The following PTPRN2 variants were observed in gnomAD, a reference collection of about 807,000 sequenced individuals.
The protein encoded by PTPRN2 is receptor-type tyrosine-protein phosphatase N2.
A neutral mutation model predicts 118.8 loss-of-function variants in PTPRN2; 74 were observed. That is an observed-to-expected ratio of 0.62 (90% CI 0.52 to 0.76). PTPRN2 has a LOEUF of 0.76. PTPRN2 is among the 30% of genes least tolerant of loss of function. PTPRN2 has a pLI of 0.00. For missense variants in PTPRN2, 1,481 were observed against 1,394.4 expected (o/e 1.06, Z -0.99); for synonymous variants, 641 against 608.0 (o/e 1.05, Z -0.80).
Position 157,764,966 on chromosome 7 carries a change from CCCAT to C in PTPRN2, c.1789-82033_1789-82030del, listed in dbSNP as rs771109189. Among the ~76,000 whole-genome samples the C allele has an allele frequency of 2.0e-3, 300 of 149,894 alleles. 1 individual carries two copies. Among genetic ancestry groups the C allele is most frequent in the Non-Finnish European group, 2.8e-3 (190 of 67,424 alleles). On this transcript the variant is annotated intron_variant, in intron 12 of 22. Transcript: ENST00000389418. This position sits in a 1 kb window ranked among gnomAD's most constrained non-coding sequence, Gnocchi z 4.5. ...CCATATCCATCCATCCACCCACCCA[CCCAT>C]CCATCTACCCATCCACTTTCATCCA...
At chr7:157,569,068 G>C in intron 20 of PTPRN2, 102 bp from the exon 21 acceptor site, 1 of 1,144,056 alleles carries the variant, frequency 8.7e-7, no homozygotes, top group Non-Finnish European at 1.3e-6. Context: ...TACGGGGGCC[G>C]GCGAGAGGAA....
rs572532235 is a variant in PTPRN2, at chr7:158,496,028, T to TG, written c.113-6244dup. ...CTGACTGTGGCTTGCGGACAGGGCT[T>TG]GGGGGGCAGCAGGGGGCAGCAGGAG... is the stretch of plus-strand genomic sequence containing the variant. On this transcript the variant is annotated intron_variant, in intron 1 of 22. Transcript: ENST00000389418. 3.2e-3 allele frequency among the ~76,000 whole-genome samples: 488 copies of TG among 151,788 alleles called. 2 individuals are homozygous for TG. The highest frequency in any genetic ancestry group is 0.011 in the African/African-American group (457 of 41,398).
intron 2 of PTPRN2, among the ~76,000 whole-genome samples, chr7:158,330,550 G>A (rs1363349899): frequency 5.1e-5 from 3 of 59,342 alleles, no homozygotes; most frequent in Admixed American, 1.9e-4. Flanking sequence ...ACCCGCAGAC[G>A]TCACTCACAC....
At position 157,982,039 on chromosome 7, in the gene PTPRN2, C is replaced by T. The variant is rs1362238997; in HGVS notation, c.1724-83302G>A. On this transcript the variant is annotated intron_variant, in intron 11 of 22. Transcript: ENST00000389418. Reference sequence around the variant, plus strand: ...GAATGCAGAGTGTGGGGTTCCCCCCCAAACCCCAAATCATAGAGATGAGGA... The same window carrying T: ...GAATGCAGAGTGTGGGGTTCCCCCCTAAACCCCAAATCATAGAGATGAGGA... Among the ~76,000 whole-genome samples the T allele has an allele frequency of 7.6e-4, 111 of 145,380 alleles. 1 individual carries two copies. Among genetic ancestry groups the T allele is most frequent in the Non-Finnish European group, 1.2e-3 (82 of 65,962 alleles).
At chr7:158,230,819 C>T (rs10250859) in intron 3 of PTPRN2, among the ~76,000 whole-genome samples, 1 of 152,126 alleles carries the variant, frequency 6.6e-6, no homozygotes, top group South Asian at 2.1e-4. Context: ...TCAGTCCTTA[C>T]TCATCAATAA....
chr7:157,835,852 CAGGATGAGCA>C (rs1807896771), intron 12 of PTPRN2, among the ~76,000 whole-genome samples: 1 of 152,192 alleles, frequency 6.6e-6, no homozygotes, highest in East Asian at 1.9e-4. Flanking sequence ...TCACTGATGA[CAGGATGAGCA>C]AGCACTTTCT....
At chr7:158,553,678 G>A (rs62478276) in intron 1 of PTPRN2, among the ~76,000 whole-genome samples, 7 of 146,830 alleles carry the variant, frequency 4.8e-5, no homozygotes, top group East Asian at 2.1e-4. Context: ...CTGTCTACAC[G>A]CAGACAGGCC....
rs1390071167 is a variant in PTPRN2, at chr7:157,619,856, G to A, written c.2344+1506C>T. 6.6e-6 allele frequency among the ~76,000 whole-genome samples: 1 copy of A among 152,202 alleles called. No individual in the cohort carries two copies. The highest frequency in any genetic ancestry group is 2.4e-5 in the African/African-American group (1 of 41,438). ...CTGTGCTGCTGGTACGGGGACAGGC[G>A]GTGTCTCAGGGACACCAGTCTGATC... On this transcript the variant is annotated intron_variant, in intron 15 of 22. Transcript: ENST00000389418. This position sits in a 1 kb window ranked among gnomAD's most constrained non-coding sequence, Gnocchi z 5.3.
At chr7:157,837,654 CG>C (rs1218316381) in intron 12 of PTPRN2, among the ~76,000 whole-genome samples, 9 of 152,180 alleles carry the variant, frequency 5.9e-5, no homozygotes, top group African/African-American at 2.2e-4. Context: ...TGCAAGGACA[CG>C]GTGCATCCAG....
chr7:158,576,549 G>A (rs536607537), intron 1 of PTPRN2, among the ~76,000 whole-genome samples: 2 of 152,300 alleles, frequency 1.3e-5, no homozygotes, highest in South Asian at 2.1e-4. Flanking sequence ...GGCCTCCGGG[G>A]AGTAACATGC....
At chr7:158,312,748 C>A (rs1801951947) in intron 3 of PTPRN2, among the ~76,000 whole-genome samples, 1 of 148,612 alleles carries the variant, frequency 6.7e-6, no homozygotes, top group African/African-American at 2.5e-5. Context: ...CCTGCACACT[C>A]ATTCACGTGC....
intron 12 of PTPRN2, chr7:157,865,410 G>A (rs56360641): frequency 0.043 from 6,486 of 152,278 alleles, 205 homozygotes; most frequent in Admixed American, 0.091. Flanking sequence ...CTGGAGGTGG[G>A]TGACCCCACC....
intron 3 of PTPRN2, among the ~76,000 whole-genome samples, chr7:158,292,685 T>C (rs1312574487): frequency 6.6e-6 from 1 of 152,246 alleles, no homozygotes; most frequent in African/African-American, 2.4e-5. Context: ...TACAAGTTAC[T>C]GTGCTGAATG....
intron 3 of PTPRN2, among the ~76,000 whole-genome samples, chr7:158,302,042 T>C (rs1025592938): frequency 2.0e-5 from 3 of 152,164 alleles, no homozygotes; most frequent in African/African-American, 7.2e-5. Flanking sequence ...CTAGTACTGC[T>C]AAGGAAAAAC....
intron 3 of PTPRN2, among the ~76,000 whole-genome samples, chr7:158,261,196 G>T (rs1253177320): frequency 6.6e-6 from 1 of 152,194 alleles, no homozygotes; most frequent in African/African-American, 2.4e-5. Context: ...CCTACGGGCA[G>T]CTCAGAGAGC....
At chr7:158,495,533 C>T (rs1485251345) in intron 1 of PTPRN2, among the ~76,000 whole-genome samples, 1 of 152,024 alleles carries the variant, frequency 6.6e-6, no homozygotes, top group African/African-American at 2.4e-5. Flanking sequence ...GTGGGCATTG[C>T]CTGGGCCATA....
chr7:157,668,638 C>A (rs1206823338), intron 13 of PTPRN2, among the ~76,000 whole-genome samples: 1 of 152,170 alleles, frequency 6.6e-6, no homozygotes, highest in Admixed American at 6.5e-5. Context: ...TGGGGAGGGC[C>A]CTGGCCTTCA....
Position 158,109,891 on chromosome 7 carries a change from T to C in PTPRN2, c.1643+938A>G, listed in dbSNP as rs13224008. On this transcript the variant is annotated intron_variant, in intron 10 of 22. Transcript: ENST00000389418. ...TGTGAAGGGGACAGTGAGTGAATGATGTCACCCCTGTGTGAAGAGTCAGTG... is the reference window on the plus strand; with the variant it reads ...TGTGAAGGGGACAGTGAGTGAATGACGTCACCCCTGTGTGAAGAGTCAGTG... Among the ~76,000 whole-genome samples, 3 of 150,580 alleles carry C rather than the reference T, an allele frequency of 2.0e-5. No individual in the cohort carries two copies. The East Asian group carries it at 6.0e-4, about 30-fold the overall frequency.
intron 1 of PTPRN2, among the ~76,000 whole-genome samples, chr7:158,502,971 G>A (rs1335583426): frequency 3.1e-5 from 3 of 97,468 alleles, no homozygotes; most frequent in African/African-American, 4.3e-5. Context: ...GTGTCCATCA[G>A]CCACTGTGTC....
Sources: gnomAD v4.1 joint callset for allele counts (sites outside exome capture counted in the v4.1 genomes callset) on GRCh38, gnomAD v4.1.1 for gene constraint, Gnocchi (gnomAD v3.1) non-coding constraint, MANE v1.5 for transcripts, NCBI Gene and HGNC (gene_info 2026-07-23, HGNC 2026-07-21) for gene names.